PRTG: variants seen among roughly 807,000 people sequenced by gnomAD.
PRTG encodes the protein protogenin.
In PRTG, 67 loss-of-function variants were observed where a neutral mutation model predicts 122.5. The observed-to-expected ratio is 0.55, with a 90% CI of 0.45 to 0.67. PRTG has a LOEUF of 0.67. Ranked by LOEUF, PRTG falls within the 30% of genes least tolerant of loss-of-function variation. PRTG has a pLI of 0.00. For missense variants in PRTG, 1,435 were observed against 1,415.4 expected (o/e 1.01, Z -0.22); for synonymous variants, 554 against 501.1 (o/e 1.11, Z -1.41).
At chr15:55,621,966 A>T (rs1307615858) in intron 18 of PRTG, among the ~76,000 whole-genome samples, 1 of 152,174 alleles carries the variant, frequency 6.6e-6, no homozygotes, top group African/African-American at 2.4e-5. Flanking sequence ...AACAAACCAT[A>T]ATGAACCCAC....
rs2059143510 is a variant in PRTG, at chr15:55,616,747, T to C, written c.*3265A>G. The C allele has an allele frequency of 6.6e-6, 1 of 152,158 alleles. No individual in the cohort carries two copies. The highest frequency in any genetic ancestry group is 1.9e-4 in the East Asian group (1 of 5,198). The allele number at this position is 152,158 out of a possible 1,614,324, so 9.4% of individuals were successfully genotyped here. A position where few individuals can be genotyped will look rare whatever the true frequency, so the allele number is the denominator to read the frequency against. On this transcript the variant is annotated 3_prime_UTR_variant, in exon 20 of 20. Coordinates refer to ENST00000389286, the MANE Select transcript of PRTG (RefSeq NM_173814.6). Reference sequence around the variant, plus strand: ...TTTTTAATTTGCTGATAAAAAGTACTTGAATAAAAACACTGATAAATACCA... The same window carrying C: ...TTTTTAATTTGCTGATAAAAAGTACCTGAATAAAAACACTGATAAATACCA...
intron 11 of PRTG, among the ~76,000 whole-genome samples, chr15:55,649,791 CAATAAATAAATAAATA>C (rs59626091): frequency 4.7e-5 from 7 of 147,872 alleles, no homozygotes; most frequent in African/African-American, 1.8e-4. Flanking sequence ...GACTCAGTCT[CAATAAATAAATAAATA>C]AATAAATAAA....
At chr15:55,721,783 T>C (rs1294681221) in intron 2 of PRTG, among the ~76,000 whole-genome samples, 2 of 152,082 alleles carry the variant, frequency 1.3e-5, no homozygotes, top group African/African-American at 2.4e-5. Flanking sequence ...ACATGTCCTT[T>C]ATAGGGCAGC....
intron 2 of PRTG, among the ~76,000 whole-genome samples, chr15:55,719,940 GTCCCACCTAC>G (rs1445650823): frequency 6.6e-6 from 1 of 151,676 alleles, no homozygotes; most frequent in African/African-American, 2.4e-5. Context: ...TGGGCGCCTG[GTCCCACCTAC>G]TCAGGAGGCT....
At chr15:55,738,025 T>TACACACACAC (rs869067847) in intron 2 of PRTG, among the ~76,000 whole-genome samples, 14 of 95,686 alleles carry the variant, frequency 1.5e-4, no homozygotes, top group African/African-American at 5.6e-4. Flanking sequence ...TATATATATA[T>TACACACACAC]ACACACACAC....
rs185487665 is a variant in PRTG at position 55,644,237 on chromosome 15, G to A, written c.2042-3029C>T. ...ATTGTGCCAGAATACAGGAGATACAGAAAAGGAAGGATAGGACAGATGTGT... is the reference window on the plus strand; with the variant it reads ...ATTGTGCCAGAATACAGGAGATACAAAAAAGGAAGGATAGGACAGATGTGT... On this transcript the variant is annotated intron_variant, in intron 11 of 19. Coordinates refer to ENST00000389286, the MANE Select transcript of PRTG (RefSeq NM_173814.6). 6.6e-5 allele frequency among the ~76,000 whole-genome samples: 10 copies of A among 152,304 alleles called. No individual in the cohort carries two copies. In the East Asian group the frequency reaches 1.9e-3, roughly 29 times the overall value.
chr15:55,730,292 G>C (rs2031185462), intron 2 of PRTG, among the ~76,000 whole-genome samples: 1 of 151,988 alleles, frequency 6.6e-6, no homozygotes, highest in South Asian at 2.1e-4. Flanking sequence ...AGTAGAGACA[G>C]GGTTTCACCA....
intron 11 of PRTG, among the ~76,000 whole-genome samples, chr15:55,644,851 T>C (rs903611407): frequency 4.6e-5 from 7 of 152,286 alleles, no homozygotes; most frequent in East Asian, 3.9e-4. Flanking sequence ...ACATACTATA[T>C]GGAAAAAATA....
chr15:55,701,684 G>A (rs1465742416), intron 2 of PRTG, among the ~76,000 whole-genome samples: 1 of 152,162 alleles, frequency 6.6e-6, no homozygotes, highest in African/African-American at 2.4e-5. Flanking sequence ...CAACCTAATT[G>A]TCCTTCAAAG....
chr15:55,733,491 C>G (rs1404834122), intron 2 of PRTG, among the ~76,000 whole-genome samples: 5 of 111,990 alleles, frequency 4.5e-5, no homozygotes, highest in Non-Finnish European at 3.5e-5. Context: ...GCCTGGGCAA[C>G]AAGAGCAAAA....
rs931346009 is a variant in PRTG at position 55,612,968 on chromosome 15, AAAAG to A, written c.*7040_*7043del. On this transcript the variant is annotated 3_prime_UTR_variant, in exon 20 of 20. Transcript: ENST00000389286. ...AAATATAATTGCAAAGGCTGACTTG[AAAAG>A]AAAGAGTCTGTAAAATCTTTCACAG... 9.9e-5 allele frequency: 15 copies of A among 152,068 alleles called. No homozygotes were observed. The highest frequency in any genetic ancestry group is 4.1e-4 in the South Asian group (2 of 4,822). 9.4% of individuals were successfully genotyped at this position (152,068 alleles called of 1,614,324 possible).
In PRTG at chr15:55,673,435, T is replaced by C. The variant is rs1455359518; in HGVS notation, c.1788A>G (p.Arg596=). 1 of 1,614,048 alleles carries C rather than the reference T, an allele frequency of 6.2e-7. No homozygotes were observed. The highest frequency in any genetic ancestry group is 1.3e-5 in the African/African-American group (1 of 74,922). Residue 596 remains arginine, a synonymous_variant, in exon 10 of 20, where the codon AGA becomes AGG. Transcript: ENST00000389286. ...ATACTGATGACTCTCCCAGCCCCACTCTGGTGGCAGCAGTAATCCGAACCA... is the reference window on the plus strand; with the variant it reads ...ATACTGATGACTCTCCCAGCCCCACCCTGGTGGCAGCAGTAATCCGAACCA... ...VYLVRITAAT[R]VGLGESSVWT... is the part of the protein sequence containing the mutation.
chr15:55,651,041 T>G (rs1293530448), intron 11 of PRTG, among the ~76,000 whole-genome samples: 2 of 152,162 alleles, frequency 1.3e-5, no homozygotes, highest in Non-Finnish European at 2.9e-5. Flanking sequence ...AGGACATGCT[T>G]GGCAGAGGGT....
chr15:55,650,276 T>C (rs566116748), intron 11 of PRTG, among the ~76,000 whole-genome samples: 9 of 152,212 alleles, frequency 5.9e-5, no homozygotes, highest in African/African-American at 2.2e-4. Flanking sequence ...CCATCTAAGA[T>C]AGGAATAACC....
In PRTG at chr15:55,664,395, G is replaced by A. The variant is rs566472079; in HGVS notation, c.2041+8050C>T. On this transcript the variant is annotated intron_variant, in intron 11 of 19. Transcript: ENST00000389286. ...CGACCTCAGGTGATCCACCCGCCTC[G>A]ATCTCCCAAAGTGCTGGGATTACAG... 3.3e-5 allele frequency among the ~76,000 whole-genome samples: 5 copies of A among 152,050 alleles called. No individual in the cohort carries two copies. In the East Asian group the frequency reaches 7.7e-4, roughly 23 times the overall value.
intron 2 of PRTG, among the ~76,000 whole-genome samples, chr15:55,727,670 C>A (rs1567117150): frequency 6.6e-6 from 1 of 152,088 alleles, no homozygotes; most frequent in Non-Finnish European, 1.5e-5. Flanking sequence ...GTGGCATACA[C>A]CTGTAGTCCC....
rs374972863 is a variant in PRTG, at chr15:55,720,060, AAAAAGAAAAG to A, written c.397+20312_397+20321del. Among the ~76,000 whole-genome samples the A allele has an allele frequency of 6.3e-4, 95 of 151,934 alleles. 1 individual carries two copies. The highest frequency in any genetic ancestry group is 1.6e-3 in the African/African-American group (66 of 41,386). Reference sequence around the variant, plus strand: ...GGCAACGAGAGTGAAACTTCATCTCAAAAAGAAAAGAAAAGAAAAGAAAAGAAAAAACTGT... The same window carrying A: ...GGCAACGAGAGTGAAACTTCATCTCAAAAAGAAAAGAAAAGAAAAAACTGT... On this transcript the variant is annotated intron_variant, in intron 2 of 19. Coordinates refer to ENST00000389286, the MANE Select transcript of PRTG (RefSeq NM_173814.6).
intron 11 of PRTG, among the ~76,000 whole-genome samples, chr15:55,661,737 A>G (rs1485243761): frequency 2.6e-5 from 4 of 152,212 alleles, no homozygotes; most frequent in Non-Finnish European, 5.9e-5. Context: ...GAGAAGCCAG[A>G]TGCAACTGAT....
chr15:55,620,853 C>G (rs1387532243), intron 18 of PRTG, 86 bp from the exon 19 acceptor site: 1 of 1,094,966 alleles, frequency 9.1e-7, no homozygotes, highest in African/African-American at 1.6e-5. Flanking sequence ...TTAACTTTTA[C>G]TATATGCTTC....
Sources: allele counts gnomAD v4.1 joint callset (sites outside exome capture counted in the v4.1 genomes callset), GRCh38; gene constraint gnomAD v4.1.1; transcripts MANE v1.5; gene names NCBI Gene and HGNC (gene_info 2026-07-23, HGNC 2026-07-21).